Variants in SOX6 observed in about 807,000 individuals in gnomAD.
SOX6 encodes transcription factor SOX-6.
SOX6 carries 11 observed loss-of-function variants against 97.8 expected under a neutral mutation model. The observed-to-expected ratio is 0.11, with a 90% CI of 0.07 to 0.19. The LOEUF (loss-of-function observed/expected upper bound fraction) is 0.19. Among genes scored for constraint, SOX6 ranks in the 10% least tolerant of loss-of-function variants. The pLI is 1.00. For synonymous variants in SOX6, 360 were observed against 371.4 expected (o/e 0.97, Z 0.35); for missense variants, 810 against 1,039.5 (o/e 0.78, Z 3.04).
intron 4 of SOX6, among the ~76,000 whole-genome samples, chr11:16,588,595 C>G (rs574471318): frequency 1.3e-5 from 2 of 152,192 alleles, no homozygotes; most frequent in African/African-American, 2.4e-5. Context: ...TAATTCTCCA[C>G]TTGACCCCCC....
chr11:16,123,230 TC>T (rs1307294259), intron 6 of SOX6, among the ~76,000 whole-genome samples: 3 of 152,082 alleles, frequency 2.0e-5, no homozygotes, highest in Non-Finnish European at 4.4e-5. Context: ...AATTGTTATA[TC>T]ACTGTGAGCT....
chr11:16,195,265 A>T (rs1691239862), intron 4 of SOX6, among the ~76,000 whole-genome samples: 1 of 152,216 alleles, frequency 6.6e-6, no homozygotes, highest in Admixed American at 6.5e-5. Context: ...AAGTAATTTG[A>T]CCAAGTCATA....
At chr11:16,390,639 T>A (rs1175526993) in intron 1 of SOX6, among the ~76,000 whole-genome samples, 6 of 152,194 alleles carry the variant, frequency 3.9e-5, no homozygotes, top group Non-Finnish European at 7.4e-5. Context: ...AAGCCTTTAA[T>A]GTTTGATCTC....
At chr11:16,257,050 G>C (rs1292524886) in intron 3 of SOX6, among the ~76,000 whole-genome samples, 1 of 151,692 alleles carries the variant, frequency 6.6e-6, no homozygotes, top group Non-Finnish European at 1.5e-5. Context: ...CCTGATAAAA[G>C]ATATTAAGGA....
chr11:16,272,311 G>A (rs1260221391), intron 3 of SOX6, among the ~76,000 whole-genome samples: 3 of 151,586 alleles, frequency 2.0e-5, no homozygotes, highest in Admixed American at 6.6e-5. Context: ...AAAAAGGGGG[G>A]AAGATGGTCA....
At chr11:16,060,569 T>A (rs1395300768) in intron 9 of SOX6, among the ~76,000 whole-genome samples, 4 of 151,928 alleles carry the variant, frequency 2.6e-5, no homozygotes, top group African/African-American at 9.7e-5. Flanking sequence ...ACATATGATT[T>A]TAGTATAAAT....
intron 12 of SOX6, among the ~76,000 whole-genome samples, chr11:16,018,109 A>C (rs1854941810): frequency 6.6e-6 from 1 of 152,112 alleles, no homozygotes; most frequent in South Asian, 2.1e-4. Flanking sequence ...TAGATGTTGC[A>C]TATTAAATAA....
chr11:16,315,955 C>T (rs1258424631), intron 3 of SOX6: 1 of 152,170 alleles, frequency 6.6e-6, no homozygotes, highest in Non-Finnish European at 1.5e-5. Context: ...ACTTCACAAA[C>T]ATTCTATTGA....
chr11:16,452,715 G>A (rs186800012), intron 1 of SOX6, among the ~76,000 whole-genome samples: 24 of 152,116 alleles, frequency 1.6e-4, no homozygotes, highest in Middle Eastern at 6.8e-3. Context: ...GAAAAGAAAA[G>A]AGGAAAAAAA....
chr11:16,395,208 T>C (rs1485875428), intron 1 of SOX6, among the ~76,000 whole-genome samples: 6 of 151,832 alleles, frequency 4.0e-5, no homozygotes, highest in Middle Eastern at 6.8e-3. Context: ...AAGTAAAACA[T>C]CCAAGAACAA....
At chr11:16,717,953 CT>C (rs36059733) in intron 2 of SOX6, among the ~76,000 whole-genome samples, 25,122 of 134,636 alleles carry the variant, frequency 0.19, 2,699 homozygotes, top group Admixed American at 0.32. Flanking sequence ...TCCTGTTTTT[CT>C]TTTTTTTTTT....
intron 4 of SOX6, among the ~76,000 whole-genome samples, chr11:16,606,175 A>T (rs1009238233): frequency 9.3e-5 from 14 of 150,830 alleles, no homozygotes; most frequent in Non-Finnish European, 1.9e-4. Context: ...CTCCCGGGGT[A>T]GGCTAGCTGC....
At chr11:16,155,810 C>T (rs1343225984) in intron 6 of SOX6, among the ~76,000 whole-genome samples, 1 of 152,072 alleles carries the variant, frequency 6.6e-6, no homozygotes, top group African/African-American at 2.4e-5. Context: ...CCCTTATTCA[C>T]TAATAAAAAC....
intron 4 of SOX6, among the ~76,000 whole-genome samples, chr11:16,563,715 GA>G (rs1383839978): frequency 6.6e-6 from 1 of 152,090 alleles, no homozygotes; most frequent in Non-Finnish European, 1.5e-5. Context: ...AATAATAATT[GA>G]AAACATCCTA....
chr11:16,111,696 T>C (rs1236072895), intron 7 of SOX6, 107 bp downstream of exon 7: 1 of 1,419,366 alleles, frequency 7.0e-7, no homozygotes. Context: ...TTTTATGATA[T>C]TTTTATTCAT....
chr11:16,137,298 C>T (rs570944464), intron 6 of SOX6, among the ~76,000 whole-genome samples: 12 of 151,986 alleles, frequency 7.9e-5, no homozygotes, highest in South Asian at 2.1e-4. Flanking sequence ...TGGTGGCATG[C>T]GCCTGTAGTC....
At chr11:16,449,587 C>T (rs533722993) in intron 1 of SOX6, among the ~76,000 whole-genome samples, 74 of 152,184 alleles carry the variant, frequency 4.9e-4, no homozygotes, top group African/African-American at 1.6e-3. Context: ...CCACGGCGCC[C>T]GGCCGCCCCT....
intron 3 of SOX6, among the ~76,000 whole-genome samples, chr11:16,255,632 A>G (rs899149500): frequency 2.6e-5 from 4 of 152,118 alleles, no homozygotes; most frequent in Admixed American, 2.6e-4. Context: ...TACAGCATCA[A>G]TCTAAAAGCG....
chr11:16,637,189 CTAT>C (rs1361329859), intron 3 of SOX6, among the ~76,000 whole-genome samples: 2 of 152,032 alleles, frequency 1.3e-5, no homozygotes. Context: ...TTTAGATTTA[CTAT>C]TCTTCTTATT....
Sources: gnomAD v4.1 joint callset for allele counts (sites outside exome capture counted in the v4.1 genomes callset) on GRCh38, gnomAD v4.1.1 for gene constraint, MANE v1.5 for transcripts, NCBI Gene and HGNC (gene_info 2026-07-23, HGNC 2026-07-21) for gene names.